Variants in IMPG1 observed in about 807,000 individuals in gnomAD.
IMPG1 encodes the protein interphotoreceptor matrix proteoglycan 1, also known as interphotoreceptor matrix proteoglycan of 150 kDa.
A neutral mutation model predicts 92.0 loss-of-function variants in IMPG1; 85 were observed. The observed-to-expected ratio is 0.92, with a 90% CI of 0.78 to 1.11. The LOEUF (loss-of-function observed/expected upper bound fraction) is 1.11, where lower values mean the gene tolerates loss of function less well. IMPG1 is among the 50% of genes least tolerant of loss of function. IMPG1 has a pLI of 0.00. For synonymous variants in IMPG1, 367 were observed against 334.1 expected (o/e 1.10, Z -1.08); for missense variants, 1,022 against 956.0 (o/e 1.07, Z -0.91).
At chr6:76,001,892 C>T (rs1010611734) in intron 12 of IMPG1, among the ~76,000 whole-genome samples, 5 of 152,100 alleles carry the variant, frequency 3.3e-5, no homozygotes, top group African/African-American at 1.2e-4. Flanking sequence ...AAATGAAATC[C>T]AATTTGTATA....
intron 14 of IMPG1, among the ~76,000 whole-genome samples, chr6:75,932,820 C>G (rs9343334): frequency 6.6e-6 from 1 of 151,700 alleles, no homozygotes; most frequent in East Asian, 1.9e-4. Flanking sequence ...CCTGCCTCAG[C>G]CTCTTGAGTA....
In IMPG1 at chr6:76,022,117, G is replaced by A; in HGVS notation, c.665C>T (p.Thr222Ile). 1.9e-6 allele frequency: 3 copies of A among 1,547,654 alleles called. No homozygotes were observed. The highest frequency in any genetic ancestry group is 2.7e-6 in the Non-Finnish European group (3 of 1,125,600). ...AGATCAACTCTAGGAACTTCTTACT[G>A]TTGTAGGCATCTTGGTGTCGTTGAG... ...NTLNDTKMPT[T>I]ERETEFAVLE... The change falls in exon 6 of 17, where the codon ACA becomes ATA. Residue 222 changes from threonine to isoleucine, a missense_variant and splice_region_variant. By Grantham distance (89) the Thr-to-Ile change is moderately conservative. This residue lies in a region of IMPG1 where 681 missense variants were observed against 583.6 expected (regional missense o/e 1.17). Transcript: ENST00000369950.
intron 12 of IMPG1, among the ~76,000 whole-genome samples, chr6:75,973,242 A>AGTGTCCGGATTACAGGCATGAGCCACT (rs918924964): frequency 1.8e-3 from 241 of 131,820 alleles, no homozygotes; most frequent in Middle Eastern, 7.6e-3. Context: ...GGCCTCCCAA[A>AGTGTCCGGATTACAGGCATGAGCCACT]GTGTCCGGAT....
intron 2 of IMPG1, among the ~76,000 whole-genome samples, chr6:76,038,825 A>T (rs1279615874): frequency 6.6e-6 from 1 of 152,222 alleles, no homozygotes; most frequent in Admixed American, 6.5e-5. Context: ...TCATTTGATG[A>T]TGCAGGAAGA....
At chr6:75,962,295 T>A (rs897256403) in intron 12 of IMPG1, among the ~76,000 whole-genome samples, 48 of 143,464 alleles carry the variant, frequency 3.3e-4, no homozygotes, top group Middle Eastern at 3.5e-3. Context: ...ATTAAAAAAA[T>A]TTTTTTTTTA....
intron 14 of IMPG1, among the ~76,000 whole-genome samples, chr6:75,941,230 A>AT (rs141445164): frequency 1.7e-3 from 252 of 152,326 alleles, no homozygotes; most frequent in African/African-American, 5.4e-3. Flanking sequence ...TCATGATTAC[A>AT]TTATCATTTA....
chr6:75,983,226 G>A (rs1433007636), intron 12 of IMPG1, among the ~76,000 whole-genome samples: 1 of 151,774 alleles, frequency 6.6e-6, no homozygotes, highest in Non-Finnish European at 1.5e-5. Context: ...TAATGAATAA[G>A]CAATCCTATA....
At chr6:75,954,229 A>G (rs144490088) in intron 12 of IMPG1, among the ~76,000 whole-genome samples, 24,627 of 152,238 alleles carry the variant, frequency 0.16, 2,464 homozygotes, top group Admixed American at 0.23. Context: ...ACTCCCACCA[A>G]TAGTGTAAAA....
chr6:76,011,744 C>A (rs1175407618), intron 7 of IMPG1, among the ~76,000 whole-genome samples: 1 of 113,136 alleles, frequency 8.8e-6, no homozygotes, highest in Non-Finnish European at 1.7e-5. Flanking sequence ...CCTCCCCCCT[C>A]CCCACCACAG....
intron 1 of IMPG1, among the ~76,000 whole-genome samples, chr6:76,059,152 G>C (rs966762325): frequency 6.6e-6 from 1 of 152,114 alleles, no homozygotes; most frequent in Admixed American, 6.6e-5. Flanking sequence ...AGGCTGAAAA[G>C]ACTGCAAATC....
At chr6:76,011,537 T>C (rs1358151477) in intron 7 of IMPG1, among the ~76,000 whole-genome samples, 3 of 152,070 alleles carry the variant, frequency 2.0e-5, no homozygotes, top group Non-Finnish European at 4.4e-5. Flanking sequence ...TAAAATAGCT[T>C]TAAGGTGGTA....
chr6:76,019,693 C>T (rs1479990936), intron 6 of IMPG1, among the ~76,000 whole-genome samples: 1 of 152,214 alleles, frequency 6.6e-6, no homozygotes, highest in African/African-American at 2.4e-5. Flanking sequence ...TTCAAAAAAA[C>T]ACACATTGAG....
At chr6:75,922,968 T>C in intron 16 of IMPG1, among the ~76,000 whole-genome samples, 1 of 152,194 alleles carries the variant, frequency 6.6e-6, no homozygotes, top group South Asian at 2.1e-4. Context: ...TCACCAATTG[T>C]TTCTATCAAA....
chr6:75,955,862 T>C (rs1475275209), intron 12 of IMPG1, among the ~76,000 whole-genome samples: 1 of 152,218 alleles, frequency 6.6e-6, no homozygotes, highest in Non-Finnish European at 1.5e-5. Context: ...GATAATCATG[T>C]AGCTTTTGTC....
At chr6:75,961,995 G>T (rs1484149173) in intron 12 of IMPG1, among the ~76,000 whole-genome samples, 1 of 151,758 alleles carries the variant, frequency 6.6e-6, no homozygotes, top group Non-Finnish European at 1.5e-5. Flanking sequence ...AGGGGACTTT[G>T]AAATACACAG....
chr6:75,936,436 AGAGT>A (rs1344780337), intron 14 of IMPG1, among the ~76,000 whole-genome samples: 1 of 152,256 alleles, frequency 6.6e-6, no homozygotes, highest in African/African-American at 2.4e-5. Context: ...AAGGTAGATT[AGAGT>A]GAGAATATTC....
intron 12 of IMPG1, among the ~76,000 whole-genome samples, chr6:75,985,821 A>C (rs1036624589): frequency 6.6e-5 from 10 of 152,210 alleles, no homozygotes; most frequent in Non-Finnish European, 1.5e-5. Context: ...TGCACTTATC[A>C]AAATATTCTC....
Position 75,950,808 on chromosome 6 carries a change from G to A in IMPG1, c.1578C>T (p.Asp526=). The A allele has an allele frequency of 6.2e-7, 1 of 1,613,962 alleles. No individual in the cohort carries two copies. Among genetic ancestry groups the A allele is most frequent in the Non-Finnish European group, 8.5e-7 (1 of 1,179,924 alleles). ...CTGGTACCTCAGATGGGGCAGGAGT[G>A]TCAGACAGATCCATTTCATCTAGGT... ...VRHLDEMDLS[D]TPAPSEVPEL... is the part of the protein sequence containing the mutation. Residue 526 remains aspartate (D), a synonymous_variant, in exon 13 of 17, where the codon GAC becomes GAT. Transcript: ENST00000369950.
intron 1 of IMPG1, among the ~76,000 whole-genome samples, chr6:76,061,102 T>C (rs1332815927): frequency 2.0e-5 from 3 of 152,188 alleles, no homozygotes; most frequent in Non-Finnish European, 2.9e-5. Context: ...TAGTAGGTCA[T>C]TTCAGCCCTG....
Sources: allele counts gnomAD v4.1 joint callset (sites outside exome capture counted in the v4.1 genomes callset), GRCh38; gene constraint gnomAD v4.1.1; regional missense constraint gnomAD v4.1.1; transcripts MANE v1.5; gene names NCBI Gene and HGNC (gene_info 2026-07-23, HGNC 2026-07-21).